Variants in ADAMTS20 observed in about 807,000 individuals in gnomAD.
ADAMTS20 encodes A disintegrin and metalloproteinase with thrombospondin motifs 20.
In ADAMTS20, 225 loss-of-function variants were observed where a neutral mutation model predicts 260.1. The observed-to-expected ratio is 0.87, with a 90% CI of 0.78 to 0.97. The LOEUF (loss-of-function observed/expected upper bound fraction) is 0.97, where lower values mean the gene tolerates loss of function less well. Ranked by LOEUF, ADAMTS20 falls within the 50% of genes least tolerant of loss-of-function variation. The pLI is 0.00. For missense variants in ADAMTS20, 2,400 were observed against 2,337.7 expected, an observed-to-expected ratio of 1.03 and a Z score of -0.55; for synonymous variants, 802 against 769.5, an observed-to-expected ratio of 1.04 and a Z score of -0.70.
intron 16 of ADAMTS20, among the ~76,000 whole-genome samples, chr12:43,442,521 G>T (rs1303694466): frequency 1.3e-5 from 2 of 151,822 alleles, no homozygotes; most frequent in Non-Finnish European, 2.9e-5. Flanking sequence ...GCCTCCCAAA[G>T]TGCTGGGATT....
intron 2 of ADAMTS20, among the ~76,000 whole-genome samples, chr12:43,536,112 A>G (rs1412695778): frequency 6.6e-6 from 1 of 152,078 alleles, no homozygotes; most frequent in Non-Finnish European, 1.5e-5. Context: ...ATATAAATAT[A>G]TAATTCTTTT....
intron 11 of ADAMTS20, among the ~76,000 whole-genome samples, chr12:43,454,279 G>A (rs1022835183): frequency 6.6e-6 from 1 of 152,160 alleles, no homozygotes; most frequent in African/African-American, 2.4e-5. Context: ...AAGATTTAGA[G>A]TGTCATTGGG....
At chr12:43,493,448 G>A (rs761236639) in intron 4 of ADAMTS20, among the ~76,000 whole-genome samples, 195 bp from the exon 5 acceptor site, 2 of 152,134 alleles carry the variant, frequency 1.3e-5, no homozygotes, top group Non-Finnish European at 2.9e-5. Context: ...GCAGGATTGA[G>A]ACTCAGGCAT....
chr12:43,399,359 A>T, intron 28 of ADAMTS20, 126 bp from the exon 29 acceptor site: 1 of 837,104 alleles, frequency 1.2e-6, no homozygotes, highest in Non-Finnish European at 1.7e-6. Flanking sequence ...GATATGCTCT[A>T]GTATTTCTAA....
chr12:43,357,013 A>T (rs1275446722), intron 37 of ADAMTS20, among the ~76,000 whole-genome samples: 1 of 152,142 alleles, frequency 6.6e-6, no homozygotes, highest in African/African-American at 2.4e-5. Context: ...CATTTTAAAC[A>T]CCAGAAACAG....
intron 7 of ADAMTS20, among the ~76,000 whole-genome samples, chr12:43,478,890 A>T (rs1942399688): frequency 6.6e-6 from 1 of 152,172 alleles, no homozygotes; most frequent in African/African-American, 2.4e-5. Flanking sequence ...CAGCTAACTC[A>T]GACAGATGTG....
chr12:43,390,027 T>C (rs763623471), intron 29 of ADAMTS20, among the ~76,000 whole-genome samples: 3 of 152,184 alleles, frequency 2.0e-5, no homozygotes, highest in Non-Finnish European at 4.4e-5. Flanking sequence ...ATCATAGCCA[T>C]TGCTGTACTT....
At chr12:43,399,304 C>A (rs960433306) in intron 28 of ADAMTS20, 71 bp from the exon 29 acceptor site, 2 of 1,170,148 alleles carry the variant, frequency 1.7e-6, no homozygotes, top group Non-Finnish European at 2.3e-6. Flanking sequence ...TAAAGAAGTA[C>A]AAAATGTAAC....
intron 9 of ADAMTS20, among the ~76,000 whole-genome samples, chr12:43,466,115 A>G (rs1942147792): frequency 6.6e-6 from 1 of 152,008 alleles, no homozygotes; most frequent in South Asian, 2.1e-4. Flanking sequence ...GAGGCAAGAA[A>G]AACCTGGATC....
chr12:43,434,165 C>T (rs1374444486), intron 19 of ADAMTS20, 80 bp downstream of exon 19: 6 of 1,396,996 alleles, frequency 4.3e-6, no homozygotes, highest in East Asian at 5.0e-5. Context: ...CATGTCCATG[C>T]TGTGTCAGTC....
chr12:43,378,755 A>G (rs1163887474), intron 31 of ADAMTS20, among the ~76,000 whole-genome samples: 2 of 152,214 alleles, frequency 1.3e-5, no homozygotes, highest in Non-Finnish European at 1.5e-5. Context: ...CTGTCCATCA[A>G]AACATCCCTA....
At chr12:43,407,512 C>A (rs186049018) in intron 28 of ADAMTS20, among the ~76,000 whole-genome samples, 1 of 151,534 alleles carries the variant, frequency 6.6e-6, no homozygotes, top group Non-Finnish European at 1.5e-5. Flanking sequence ...TATATTATAA[C>A]TTTGGAAAAG....
intron 3 of ADAMTS20, among the ~76,000 whole-genome samples, chr12:43,510,602 C>T (rs1337321826): frequency 6.6e-6 from 1 of 151,834 alleles, no homozygotes; most frequent in East Asian, 1.9e-4. Context: ...TATTTAGGTC[C>T]CATTGAGTCA....
chr12:43,432,992 G>C (rs1941479246), intron 19 of ADAMTS20, among the ~76,000 whole-genome samples, 181 bp from the exon 20 acceptor site: 1 of 152,118 alleles, frequency 6.6e-6, no homozygotes, highest in Non-Finnish European at 1.5e-5. Context: ...AGCACTTGGT[G>C]GTAGCTTTGG....
At chr12:43,358,262 T>C (rs978654195) in intron 37 of ADAMTS20, among the ~76,000 whole-genome samples, 6 of 152,202 alleles carry the variant, frequency 3.9e-5, no homozygotes, top group African/African-American at 1.4e-4. Flanking sequence ...TAGGTGGTCA[T>C]TAACACAATT....
intron 36 of ADAMTS20, among the ~76,000 whole-genome samples, chr12:43,373,870 G>A (rs1289422308): frequency 6.6e-6 from 1 of 151,140 alleles, no homozygotes; most frequent in African/African-American, 2.4e-5. Context: ...TAGTAGAGAC[G>A]GGGTTTCACC....
At chr12:43,431,696 T>A (rs1214549775) in intron 21 of ADAMTS20, among the ~76,000 whole-genome samples, 200 bp from the exon 22 acceptor site, 4 of 152,106 alleles carry the variant, frequency 2.6e-5, no homozygotes, top group Non-Finnish European at 4.4e-5. Context: ...CACTGAAACA[T>A]CCATTTATCC....
intron 31 of ADAMTS20, among the ~76,000 whole-genome samples, 172 bp downstream of exon 31, chr12:43,383,386 T>A (rs976835783): frequency 6.6e-6 from 1 of 152,306 alleles, no homozygotes; most frequent in Admixed American, 6.5e-5. Context: ...CATATGTCAC[T>A]ATTACTCTAT....
chr12:43,411,822 T>C (rs891873663), intron 28 of ADAMTS20, among the ~76,000 whole-genome samples: 3 of 152,194 alleles, frequency 2.0e-5, no homozygotes, highest in Admixed American at 6.5e-5. Context: ...CCATCATAGT[T>C]TTCTCCACAT....
Sources: gnomAD v4.1 joint callset for allele counts (sites outside exome capture counted in the v4.1 genomes callset) on GRCh38, gnomAD v4.1.1 for gene constraint, MANE v1.5 for transcripts, NCBI Gene and HGNC (gene_info 2026-07-23, HGNC 2026-07-21) for gene names.